Variants in XKR8 observed in about 807,000 individuals in gnomAD.
The protein encoded by XKR8 is XK-related protein 8.
XKR8 carries 10 observed loss-of-function variants against 17.1 expected under a neutral mutation model. The observed-to-expected ratio is 0.59, with a 90% CI of 0.36 to 0.99. The LOEUF (loss-of-function observed/expected upper bound fraction) is 0.99. Ranked by LOEUF, XKR8 falls within the 50% of genes least tolerant of loss-of-function variation. The probability of loss-of-function intolerance (pLI) is 0.01; values close to 1 mark genes in which losing one functional copy is unlikely to be tolerated. For missense variants in XKR8, 411 were observed against 515.6 expected (o/e 0.80, Z 1.96); for synonymous variants, 213 against 251.9 (o/e 0.85, Z 1.46).
Position 27,965,935 on chromosome 1 carries a change from G to T in XKR8, c.491-568G>T, listed in dbSNP as rs190888907. 2.4e-4 allele frequency among the ~76,000 whole-genome samples: 36 copies of T among 152,182 alleles called. No individual in the cohort carries two copies. Among genetic ancestry groups the T allele is most frequent in the African/African-American group, 8.4e-4 (35 of 41,496 alleles). The stretch of plus-strand genomic sequence containing the variant: ...TGGATCTTGGAAAATCAAGGTTAGG[G>T]GTCAGTCCGATGGCCTCTGGTCTTG... On this transcript the variant is annotated intron_variant, in intron 2 of 2. Coordinates refer to ENST00000373884, the MANE Select transcript of XKR8 (RefSeq NM_018053.4). This position sits in a 1 kb window ranked among gnomAD's most constrained non-coding sequence, Gnocchi z 4.1.
intron 2 of XKR8, 32 bp downstream of exon 2, chr1:27,963,725 C>T (rs776886325): frequency 7.9e-5 from 117 of 1,483,244 alleles, no homozygotes; most frequent in Admixed American, 6.0e-4. Flanking sequence ...GCCCCCCTGT[C>T]GTGGCTTGGT....
Position 27,966,708 on chromosome 1 carries a change from CT to C in XKR8, c.698del (p.Phe233SerfsTer31), listed in dbSNP as rs1472183880. 6.2e-7 allele frequency: 1 copy of C among 1,613,958 alleles called. No individual in the cohort carries two copies. The highest frequency in any genetic ancestry group is 1.3e-5 in the African/African-American group (1 of 74,922). ...ALFPSYVALHFLGLWLVLLLW... is the reference protein window; with the variant it reads ...ALFPSYVALHXLGLWLVLLLW... ...TCTTCCCCAGCTATGTGGCCCTGCACTTCCTGGGCCTGTGGCTGGTACTGCT... is the reference window on the plus strand; with the variant it reads ...TCTTCCCCAGCTATGTGGCCCTGCACTCCTGGGCCTGTGGCTGGTACTGCT... On this transcript the variant is annotated frameshift_variant, in exon 3 of 3. Transcript: ENST00000373884. LOFTEE classifies it low-confidence loss of function (END_TRUNC). This position sits in a 1 kb window ranked among gnomAD's most constrained non-coding sequence, Gnocchi z 4.3.
intron 1 of XKR8, among the ~76,000 whole-genome samples, chr1:27,961,659 GC>G (rs1421655779): frequency 6.6e-6 from 1 of 152,212 alleles, no homozygotes; most frequent in Non-Finnish European, 1.5e-5. Context: ...CTCTGTTCCT[GC>G]CTGTGAATTG....
chr1:27,965,813 C>T lies in XKR8; in HGVS notation c.491-690C>T, dbSNP rs138968089. Among the ~76,000 whole-genome samples, 198 of 152,292 alleles carry T rather than the reference C, an allele frequency of 1.3e-3. No individual in the cohort carries two copies. Among genetic ancestry groups the T allele is most frequent in the Non-Finnish European group, 2.4e-3 (161 of 68,010 alleles). On this transcript the variant is annotated intron_variant, in intron 2 of 2. Transcript: ENST00000373884. This position sits in a 1 kb window ranked among gnomAD's most constrained non-coding sequence, Gnocchi z 4.1. ...GACAGGGGAGGAAGCAGTCGGGAGA[C>T]GTGCCGGTGCCACTTCCATCCCTCC...
In XKR8 at chr1:27,967,812, T is replaced by C. The variant is rs41284298; in HGVS notation, c.*612T>C. On this transcript the variant is annotated 3_prime_UTR_variant, in exon 3 of 3. Coordinates refer to ENST00000373884, the MANE Select transcript of XKR8 (RefSeq NM_018053.4). This position sits in a 1 kb window ranked among gnomAD's most constrained non-coding sequence, Gnocchi z 4.3. The stretch of plus-strand genomic sequence containing the variant: ...GATCCCAAATGCTAGAAGCCAGGGA[T>C]GCCCAACTCTGGGTGGCCCCAGTCA... The C allele has an allele frequency of 6.5e-6, 1 of 152,702 alleles. No homozygotes were observed. The highest frequency in any genetic ancestry group is 2.1e-4 in the South Asian group (1 of 4,832). The allele number at this position is 152,702 out of a possible 1,614,324, so 9.5% of individuals were successfully genotyped here. A position where few individuals can be genotyped will look rare whatever the true frequency, so the allele number is the denominator to read the frequency against.
intron 1 of XKR8, among the ~76,000 whole-genome samples, chr1:27,962,982 G>A (rs1189131418): frequency 6.6e-6 from 1 of 152,200 alleles, no homozygotes; most frequent in Non-Finnish European, 1.5e-5. Context: ...GCTTGGGACA[G>A]TGCTTAGCCA....
In XKR8 at chr1:27,967,095, T is replaced by G; in HGVS notation, c.1083T>G (p.Leu361=). 6.2e-7 allele frequency: 1 copy of G among 1,613,984 alleles called. No homozygotes were observed. Among genetic ancestry groups the G allele is most frequent in the African/African-American group, 1.3e-5 (1 of 75,038 alleles). Residue 361 remains leucine (L), a synonymous_variant, in exon 3 of 3, where the codon CTT becomes CTG. Coordinates refer to ENST00000373884, the MANE Select transcript of XKR8 (RefSeq NM_018053.4). The surrounding 1 kb of genome is among the most constrained non-coding windows in gnomAD (Gnocchi z 4.3). ...AGGTAGACGGGGCCCGGAGTCTGCT[T>G]TCTCCAGAGGGGTATCAGCTGCCTC... The part of the protein sequence containing the change: ...PDQVDGARSL[L]SPEGYQLPQN...
In XKR8 at chr1:27,965,670, A is replaced by G. The variant is rs1273025079; in HGVS notation, c.491-833A>G. On this transcript the variant is annotated intron_variant, in intron 2 of 2. Coordinates refer to ENST00000373884, the MANE Select transcript of XKR8 (RefSeq NM_018053.4). The surrounding 1 kb of genome is among the most constrained non-coding windows in gnomAD (Gnocchi z 4.1). ...ATGCTGGGCAAACTGGAAGAACATC[A>G]GCCCTGCTGAGACCTGGGCAAGGCT... 6.6e-6 allele frequency among the ~76,000 whole-genome samples: 1 copy of G among 152,196 alleles called. No homozygotes were observed. The highest frequency in any genetic ancestry group is 1.5e-5 in the Non-Finnish European group (1 of 68,034).
Position 27,963,535 on chromosome 1 carries a change from A to C in XKR8, c.332A>C (p.Gln111Pro). The C allele has an allele frequency of 6.2e-7, 1 of 1,613,612 alleles. No individual in the cohort carries two copies. Among genetic ancestry groups the C allele is most frequent in the East Asian group, 2.2e-5 (1 of 44,890 alleles). Residue 111 changes from glutamine to proline, a missense_variant, in exon 2 of 3, where the codon CAG (glutamine) becomes CCG (proline). Physicochemically the swap from Gln to Pro is moderately conservative, Grantham distance 76. Transcript: ENST00000373884. Reference sequence around the variant, plus strand: ...CTGCGGCAGGGGCTGCTGGTGTGGCAGCAGGAGGAGCCCTCTGAGTTTGAC... The same window carrying C: ...CTGCGGCAGGGGCTGCTGGTGTGGCCGCAGGAGGAGCCCTCTGAGTTTGAC... The part of the protein sequence containing the change: ...QELRQGLLVW[Q>P]QEEPSEFDLA...
At chr1:27,961,326 G>C (rs768131063) in intron 1 of XKR8, among the ~76,000 whole-genome samples, 91 of 152,236 alleles carry the variant, frequency 6.0e-4, no homozygotes, top group Non-Finnish European at 1.1e-3. Flanking sequence ...AGTCAGGGCA[G>C]AGGGTGGTGT....
Position 27,966,911 on chromosome 1 carries a change from T to A in XKR8, c.899T>A (p.Val300Glu). ...CTCCTGAGTGACAGCATTCTCCTGG[T>A]GGCCACCTGGGTGACTCATAGCTCC... Reference protein sequence around the residue: ...AFLLSDSILLVATWVTHSSWL... With the variant: ...AFLLSDSILLEATWVTHSSWL... Residue 300 changes from valine (V) to glutamate (E), a missense_variant, in exon 3 of 3, where the codon GTG (valine) becomes GAG (glutamate). Transcript: ENST00000373884. The surrounding 1 kb of genome is among the most constrained non-coding windows in gnomAD (Gnocchi z 4.3). 6.2e-7 allele frequency: 1 copy of A among 1,614,164 alleles called. No individual in the cohort carries two copies. Among genetic ancestry groups the A allele is most frequent in the Non-Finnish European group, 8.5e-7 (1 of 1,180,032 alleles).
chr1:27,967,050 C>G lies in XKR8; in HGVS notation c.1038C>G (p.Cys346Trp). 1 of 1,614,104 alleles carries G rather than the reference C, an allele frequency of 6.2e-7. No homozygotes were observed. The highest frequency in any genetic ancestry group is 8.5e-7 in the Non-Finnish European group (1 of 1,179,980). The change falls in exon 3 of 3, where the codon TGC (cysteine) becomes TGG (tryptophan). Residue 346 changes from cysteine to tryptophan, a missense_variant. Coordinates refer to ENST00000373884, the MANE Select transcript of XKR8 (RefSeq NM_018053.4). The surrounding 1 kb of genome is among the most constrained non-coding windows in gnomAD (Gnocchi z 4.3). ...VYYHWLHPSC[C>W]WKPDPDQVDG... The stretch of plus-strand genomic sequence containing the variant: ...ACCACTGGCTGCACCCTAGCTGCTG[C>G]TGGAAGCCCGACCCTGACCAGGTAG...
chr1:27,962,851 TCAAAATG>T (rs1638494764), intron 1 of XKR8, among the ~76,000 whole-genome samples: 2 of 152,170 alleles, frequency 1.3e-5, no homozygotes, highest in African/African-American at 4.8e-5. Context: ...CCTTGGCCTG[TCAAAATG>T]TTGGGATTAC....
In XKR8 at chr1:27,963,719, C is replaced by T. The variant is rs535018302; in HGVS notation, c.490+26C>T. 463 of 1,506,202 alleles carry T rather than the reference C, an allele frequency of 3.1e-4. 3 individuals are homozygous for T. Among genetic ancestry groups the T allele is most frequent in the Middle Eastern group, 1.5e-3 (8 of 5,312 alleles). 93.3% of individuals were successfully genotyped at this position (1,506,202 alleles called of 1,614,324 possible). The stretch of plus-strand genomic sequence containing the variant: ...GTGAGTGAAGGCCTGTGGCTGGCCC[C>T]CCTGTCGTGGCTTGGTGGGGGGTCT... On this transcript the variant is annotated intron_variant, in intron 2 of 2. Coordinates refer to ENST00000373884, the MANE Select transcript of XKR8 (RefSeq NM_018053.4).
Position 27,966,974 on chromosome 1 carries a change from C to G in XKR8, c.962C>G (p.Pro321Arg), listed in dbSNP as rs763169623. The change falls in exon 3 of 3, where the codon CCT becomes CGT. Residue 321 changes from proline (P) to arginine (R), a missense_variant. Pro to Arg is a moderately radical substitution (Grantham distance 103). Transcript: ENST00000373884. This position sits in a 1 kb window ranked among gnomAD's most constrained non-coding sequence, Gnocchi z 4.3. ...GGGATTCCACTGCAGCTGTGGCTGC[C>G]TGTGGGATGCGGCTGCTTCTTTCTG... ...PSGIPLQLWL[P>R]VGCGCFFLGL... The G allele has an allele frequency of 6.2e-7, 1 of 1,614,186 alleles. No homozygotes were observed. The highest frequency in any genetic ancestry group is 1.1e-5 in the South Asian group (1 of 91,086).
Position 27,960,169 on chromosome 1 carries a change from G to A in XKR8, c.100G>A (p.Ala34Thr), listed in dbSNP as rs1367957764. ...CGACCTGGGCACCGACCTGTGGGCC[G>A]CCGTCCAGTATGCGCTCGGCGGCCG... is the stretch of plus-strand genomic sequence containing the variant. ...LLDLGTDLWA[A>T]VQYALGGRYL... The change falls in exon 1 of 3, where the codon GCC becomes ACC. Residue 34 changes from alanine to threonine, a missense_variant. Coordinates refer to ENST00000373884, the MANE Select transcript of XKR8 (RefSeq NM_018053.4). The surrounding 1 kb of genome is among the most constrained non-coding windows in gnomAD (Gnocchi z 5.9). 1.3e-6 allele frequency: 2 copies of A among 1,527,394 alleles called. No individual in the cohort carries two copies. Among genetic ancestry groups the A allele is most frequent in the African/African-American group, 1.4e-5 (1 of 71,672 alleles). 94.6% of individuals were successfully genotyped at this position (1,527,394 alleles called of 1,614,324 possible).
Position 27,966,402 on chromosome 1 carries a change from T to C in XKR8, c.491-101T>C. ...TCAACAAACGAGGGATTCTAATACC[T>C]ACCCCAGGGTTGCTGGGAGGGCCCC... On this transcript the variant is annotated intron_variant, in intron 2 of 2. Coordinates refer to ENST00000373884, the MANE Select transcript of XKR8 (RefSeq NM_018053.4). This position sits in a 1 kb window ranked among gnomAD's most constrained non-coding sequence, Gnocchi z 4.3. 8.6e-7 allele frequency: 1 copy of C among 1,166,764 alleles called. No individual in the cohort carries two copies. The highest frequency in any genetic ancestry group is 1.2e-6 in the Non-Finnish European group (1 of 821,962). 72.3% of individuals were successfully genotyped at this position (1,166,764 alleles called of 1,614,324 possible).
chr1:27,967,505 G>T lies in XKR8; in HGVS notation c.*305G>T, dbSNP rs563009894. ...ACCTTTTCCCCCTGCCATTGGTATA[G>T]CTGGTGCCCCAAAACTTCCACCTCC... On this transcript the variant is annotated 3_prime_UTR_variant, in exon 3 of 3. Transcript: ENST00000373884. The surrounding 1 kb of genome is among the most constrained non-coding windows in gnomAD (Gnocchi z 4.3). The T allele has an allele frequency of 6.9e-5, 15 of 216,686 alleles. No homozygotes were observed. The highest frequency in any genetic ancestry group is 1.2e-4 in the Non-Finnish European group (13 of 108,754). 13.4% of individuals were successfully genotyped at this position (216,686 alleles called of 1,614,324 possible). A position where few individuals can be genotyped will look rare whatever the true frequency, so the allele number is the denominator to read the frequency against.
Position 27,960,183 on chromosome 1 carries a change from G to T in XKR8, c.114G>T (p.Ala38=). The T allele has an allele frequency of 6.5e-7, 1 of 1,527,210 alleles. No homozygotes were observed. The highest frequency in any genetic ancestry group is 8.7e-7 in the Non-Finnish European group (1 of 1,143,934). 94.6% of individuals were successfully genotyped at this position (1,527,210 alleles called of 1,614,324 possible). The change falls in exon 1 of 3, where the codon GCG becomes GCT. Residue 38 remains alanine (A), a synonymous_variant. Transcript: ENST00000373884. The surrounding 1 kb of genome is among the most constrained non-coding windows in gnomAD (Gnocchi z 5.9). ...ACCTGTGGGCCGCCGTCCAGTATGC[G>T]CTCGGCGGCCGCTACCTGTGGGCGG... is the stretch of plus-strand genomic sequence containing the variant. ...GTDLWAAVQY[A]LGGRYLWAAL... is the part of the protein sequence containing the mutation.
Sources: gnomAD v4.1 joint callset for allele counts (sites outside exome capture counted in the v4.1 genomes callset) on GRCh38, gnomAD v4.1.1 for gene constraint, Gnocchi (gnomAD v3.1) non-coding constraint, MANE v1.5 for transcripts, NCBI Gene and HGNC (gene_info 2026-07-23, HGNC 2026-07-21) for gene names.